NREP: variants seen among roughly 807,000 people sequenced by gnomAD.
NREP encodes neuronal regeneration-related protein.
NREP carries 5 observed loss-of-function variants against 8.6 expected under a neutral mutation model. The ratio of observed to expected loss-of-function variants is 0.58; its 90% CI spans 0.30 to 1.22. The LOEUF (loss-of-function observed/expected upper bound fraction) is 1.22. Among genes scored for constraint, NREP ranks in the 50% most tolerant of loss-of-function variants. The probability of loss-of-function intolerance (pLI) is 0.07; values close to 1 mark genes in which losing one functional copy is unlikely to be tolerated. For missense variants in NREP, 86 were observed against 82.5 expected, an observed-to-expected ratio of 1.04 and a Z score of -0.17; for synonymous variants, 27 against 28.0, an observed-to-expected ratio of 0.96 and a Z score of 0.11.
chr5:111,905,756 C>T (rs1402364754), intron 2 of NREP, among the ~76,000 whole-genome samples: 1 of 151,982 alleles, frequency 6.6e-6, no homozygotes, highest in Non-Finnish European at 1.5e-5. Flanking sequence ...ATCAAATATA[C>T]GCTATTATTA....
Position 111,914,635 on chromosome 5 carries a change from T to C in NREP, c.135+60639A>G, listed in dbSNP as rs143273259. Among the ~76,000 whole-genome samples the C allele has an allele frequency of 8.1e-3, 1,229 of 152,204 alleles. 10 individuals carry two copies. The highest frequency in any genetic ancestry group is 0.013 in the Non-Finnish European group (897 of 68,004). ...GTCTCCTTTTTTCGTTGTACTCTCC[T>C]GGCAAAACTGCTGGTGAGTGTACCC... is the stretch of plus-strand genomic sequence containing the variant. On this transcript the variant is annotated intron_variant, in intron 2 of 3. Transcript: ENST00000395634.
intron 2 of NREP, among the ~76,000 whole-genome samples, chr5:111,904,122 C>T (rs1754718726): frequency 6.6e-6 from 1 of 151,978 alleles, no homozygotes; most frequent in African/African-American, 2.4e-5. Flanking sequence ...CCCATATACT[C>T]CCTCTCTCCT....
chr5:111,917,231 A>G (rs1755087854), intron 2 of NREP, among the ~76,000 whole-genome samples: 1 of 152,072 alleles, frequency 6.6e-6, no homozygotes, highest in African/African-American at 2.4e-5. Context: ...CCTACCAACC[A>G]AAAAAAGCCC....
chr5:111,843,175 A>G (rs4602684), intron 2 of NREP, among the ~76,000 whole-genome samples: 3,487 of 152,046 alleles, frequency 0.023, 50 homozygotes, highest in Non-Finnish European at 0.027. Context: ...CTTTCATAAC[A>G]CATATATTGG....
rs541595092 is a variant in NREP, at chr5:111,735,970, T to C, written c.4-463A>G. Among the ~76,000 whole-genome samples, 3 of 152,212 alleles carry C rather than the reference T, an allele frequency of 2.0e-5. No individual in the cohort carries two copies. The South Asian group carries it at 6.2e-4, about 32-fold the overall frequency. On this transcript the variant is annotated intron_variant, in intron 2 of 3. Transcript: ENST00000257435. ...GCAGCCCAGATTCTCTCCAAGTCCA[T>C]GTGGCCAGTGACAACACATTCTGCC...
chr5:111,754,025 T>C (rs1750545805), intron 2 of NREP, among the ~76,000 whole-genome samples: 1 of 152,224 alleles, frequency 6.6e-6, no homozygotes, highest in Admixed American at 6.5e-5. Flanking sequence ...AGTGGTTTCA[T>C]TTCAGGCAAT....
At chr5:111,781,166 G>T (rs543259798) in intron 2 of NREP, among the ~76,000 whole-genome samples, 15 of 151,982 alleles carry the variant, frequency 9.9e-5, no homozygotes, top group Non-Finnish European at 2.1e-4. Flanking sequence ...CTTCTGATAG[G>T]CCCCAGTGTC....
chr5:111,896,160 T>A (rs1168893222), intron 2 of NREP, among the ~76,000 whole-genome samples: 1 of 152,016 alleles, frequency 6.6e-6, no homozygotes, highest in East Asian at 1.9e-4. Flanking sequence ...GCACAGAGAT[T>A]GGTAGGAGGC....
chr5:111,742,238 A>ATCTT (rs1329656817), intron 2 of NREP, among the ~76,000 whole-genome samples: 1 of 152,128 alleles, frequency 6.6e-6, no homozygotes, highest in Non-Finnish European at 1.5e-5. Context: ...ACAATTCTTG[A>ATCTT]TCTTATGAGT....
chr5:111,855,438 T>C (rs937517334), intron 2 of NREP, among the ~76,000 whole-genome samples: 2 of 152,188 alleles, frequency 1.3e-5, no homozygotes, highest in African/African-American at 4.8e-5. Flanking sequence ...GCTTCAAGCT[T>C]TTTAACCAAA....
At chr5:111,824,098 T>C (rs1235670675) in intron 2 of NREP, among the ~76,000 whole-genome samples, 2 of 152,158 alleles carry the variant, frequency 1.3e-5, no homozygotes, top group Admixed American at 6.5e-5. Flanking sequence ...TAGCCCGGCA[T>C]GGTGGCTCAA....
chr5:111,798,649 C>G (rs962226197), intron 2 of NREP, among the ~76,000 whole-genome samples: 1 of 152,048 alleles, frequency 6.6e-6, no homozygotes, highest in East Asian at 1.9e-4. Context: ...TGAGTTACTT[C>G]ATTTGGAATA....
chr5:111,916,204 T>C (rs919405500), intron 2 of NREP, among the ~76,000 whole-genome samples: 1 of 151,940 alleles, frequency 6.6e-6, no homozygotes, highest in Admixed American at 6.6e-5. Context: ...TAGAGAGATA[T>C]AGTAGATGTT....
chr5:111,916,657 T>C (rs1360357633), intron 2 of NREP, among the ~76,000 whole-genome samples: 4 of 152,164 alleles, frequency 2.6e-5, no homozygotes, highest in Non-Finnish European at 5.9e-5. Context: ...ATCATAAAAA[T>C]GTTACTTTCT....
Position 111,901,113 on chromosome 5 carries a change from C to T in NREP, c.135+74161G>A, listed in dbSNP as rs141753898. 3.0e-3 allele frequency among the ~76,000 whole-genome samples: 459 copies of T among 152,148 alleles called. 1 individual carries two copies. The highest frequency in any genetic ancestry group is 4.7e-3 in the Non-Finnish European group (320 of 67,960). ...GCAAGAATGGTTCAACATGTGCAAA[C>T]CAGTAAATGTGACACATACATCATT... On this transcript the variant is annotated intron_variant, in intron 2 of 3. Transcript: ENST00000395634.
intron 2 of NREP, among the ~76,000 whole-genome samples, chr5:111,858,292 C>T (rs1753469224): frequency 6.6e-6 from 1 of 152,068 alleles, no homozygotes; most frequent in East Asian, 1.9e-4. Context: ...TCCCCTCCCT[C>T]CCCTGCAGTA....
intron 2 of NREP, among the ~76,000 whole-genome samples, chr5:111,884,319 G>A (rs1754177072): frequency 2.6e-5 from 4 of 151,200 alleles, no homozygotes; most frequent in African/African-American, 7.4e-5. Flanking sequence ...AGCTGAAATT[G>A]TGGCAATAAT....
intron 2 of NREP, among the ~76,000 whole-genome samples, chr5:111,885,669 A>C (rs897367582): frequency 1.3e-5 from 2 of 152,130 alleles, no homozygotes; most frequent in African/African-American, 4.8e-5. Flanking sequence ...ATAATGCCGC[A>C]TATCTTCAAC....
chr5:111,789,011 C>T (rs537361953), intron 2 of NREP, among the ~76,000 whole-genome samples: 114 of 152,336 alleles, frequency 7.5e-4, no homozygotes, highest in African/African-American at 2.7e-3. Flanking sequence ...CAGCAGCTTC[C>T]GGCCTTCAGA....
Sources: gnomAD v4.1 joint callset for allele counts (sites outside exome capture counted in the v4.1 genomes callset) on GRCh38, gnomAD v4.1.1 for gene constraint, MANE v1.5 for transcripts, NCBI Gene and HGNC (gene_info 2026-07-23, HGNC 2026-07-21) for gene names.